Variants in NAALADL2 observed in about 807,000 individuals in gnomAD.
NAALADL2 encodes the protein inactive N-acetylated-alpha-linked acidic dipeptidase-like protein 2.
Under a neutral mutation model 87.2 loss-of-function variants are expected in NAALADL2, and 76 were observed. The ratio of observed to expected loss-of-function variants is 0.87; its 90% confidence interval spans 0.72 to 1.05. The LOEUF (loss-of-function observed/expected upper bound fraction) is 1.05, where lower values mean the gene tolerates loss of function less well. NAALADL2 is among the 50% of genes least tolerant of loss of function. NAALADL2 has a pLI of 0.00. For synonymous variants in NAALADL2, 354 were observed against 331.0 expected (o/e 1.07, Z -0.75); for missense variants, 1,089 against 945.8 (o/e 1.15, Z -1.99).
chr3:175,395,942 A>G (rs1240988440), intron 5 of NAALADL2, among the ~76,000 whole-genome samples: 1 of 152,172 alleles, frequency 6.6e-6, no homozygotes, highest in Non-Finnish European at 1.5e-5. Flanking sequence ...TACTTTGCAT[A>G]TTACCAAGCA....
At chr3:175,724,915 T>C (rs923267637) in intron 11 of NAALADL2, among the ~76,000 whole-genome samples, 3 of 152,002 alleles carry the variant, frequency 2.0e-5, no homozygotes, top group Non-Finnish European at 4.4e-5. Context: ...AGGAAATAAT[T>C]ATATTAATTT....
chr3:175,603,266 A>C (rs1001948226), intron 10 of NAALADL2, among the ~76,000 whole-genome samples: 4 of 152,174 alleles, frequency 2.6e-5, no homozygotes, highest in East Asian at 3.8e-4. Context: ...ATATTTCCAC[A>C]GCCCTATACC....
chr3:174,478,614 T>A (rs1217822047), intron 1 of NAALADL2, among the ~76,000 whole-genome samples: 2 of 152,136 alleles, frequency 1.3e-5, no homozygotes, highest in Non-Finnish European at 2.9e-5. Context: ...TCAATGGCAG[T>A]ATTTATGGGT....
chr3:174,848,309 A>T (rs1355079809), intron 3 of NAALADL2, among the ~76,000 whole-genome samples: 4 of 152,166 alleles, frequency 2.6e-5, no homozygotes, highest in Non-Finnish European at 4.4e-5. Context: ...TCACTTCAGT[A>T]GCTGACCTTA....
chr3:175,390,243 A>T (rs1192242346), intron 5 of NAALADL2, among the ~76,000 whole-genome samples: 1 of 152,162 alleles, frequency 6.6e-6, no homozygotes, highest in Non-Finnish European at 1.5e-5. Context: ...AACAAAAAAT[A>T]GGGCTCAAAT....
At chr3:174,825,968 A>G (rs1212858613) in intron 3 of NAALADL2, among the ~76,000 whole-genome samples, 1 of 151,766 alleles carries the variant, frequency 6.6e-6, no homozygotes, top group African/African-American at 2.4e-5. Flanking sequence ...CGGAGCTTGC[A>G]GTGAGCCGAG....
At chr3:175,094,963 C>G (rs1002705908) in intron 1 of NAALADL2, among the ~76,000 whole-genome samples, 2 of 152,138 alleles carry the variant, frequency 1.3e-5, no homozygotes, top group African/African-American at 4.8e-5. Context: ...GTGAATGCAT[C>G]CTGATGACAA....
intron 1 of NAALADL2, among the ~76,000 whole-genome samples, chr3:174,462,091 TTC>T (rs1421197563): frequency 6.7e-6 from 1 of 149,860 alleles, no homozygotes; most frequent in East Asian, 2.0e-4. Flanking sequence ...TTTGAAAATA[TTC>T]TGTCATTTAA....
At chr3:175,116,389 AGGAT>A (rs1400617750) in intron 2 of NAALADL2, among the ~76,000 whole-genome samples, 2 of 152,102 alleles carry the variant, frequency 1.3e-5, no homozygotes, top group East Asian at 1.9e-4. Flanking sequence ...GCAAAGTCTC[AGGAT>A]ACAAAATCAA....
At chr3:175,717,728 T>G (rs1211715443) in intron 11 of NAALADL2, among the ~76,000 whole-genome samples, 3 of 149,866 alleles carry the variant, frequency 2.0e-5, no homozygotes, top group African/African-American at 2.4e-5. Flanking sequence ...AGAAATAAAT[T>G]AATATACAGA....
chr3:174,814,549 C>T (rs1720578415), intron 3 of NAALADL2, among the ~76,000 whole-genome samples: 1 of 151,714 alleles, frequency 6.6e-6, no homozygotes, highest in African/African-American at 2.4e-5. Flanking sequence ...TATGTGTGTA[C>T]CTTGTGTGTG....
Position 175,608,834 on chromosome 3 carries a change from C to T in NAALADL2, c.1801-18457C>T, listed in dbSNP as rs535672466. Among the ~76,000 whole-genome samples the T allele has an allele frequency of 1.6e-4, 25 of 152,142 alleles. No individual in the cohort carries two copies. The South Asian group carries it at 2.9e-3, about 18-fold the overall frequency. The stretch of plus-strand genomic sequence containing the variant: ...TCATAATTGAAATTGCAAATGTTAC[C>T]GTTTTGCCACTATGCATAGCTTACC... On this transcript the variant is annotated intron_variant, in intron 10 of 13. Coordinates refer to ENST00000454872, the MANE Select transcript of NAALADL2 (RefSeq NM_207015.3).
intron 4 of NAALADL2, among the ~76,000 whole-genome samples, chr3:175,268,035 A>G (rs1274667861): frequency 1.3e-5 from 2 of 152,180 alleles, no homozygotes; most frequent in Non-Finnish European, 2.9e-5. Context: ...AGGTGTTTTA[A>G]AACATAGTTA....
At chr3:174,578,681 G>C (rs972975714) in intron 2 of NAALADL2, among the ~76,000 whole-genome samples, 1 of 151,926 alleles carries the variant, frequency 6.6e-6, no homozygotes, top group Non-Finnish European at 1.5e-5. Flanking sequence ...GGAAGGAACA[G>C]AGAGTGGCAG....
chr3:174,453,037 A>G (rs2177141), intron 1 of NAALADL2, among the ~76,000 whole-genome samples: 25,909 of 152,120 alleles, frequency 0.17, 3,934 homozygotes, highest in East Asian at 0.48. Flanking sequence ...TAAGAATCAC[A>G]ATAAAATAAT....
chr3:174,713,293 A>G (rs1456299651), intron 2 of NAALADL2, among the ~76,000 whole-genome samples: 8 of 152,272 alleles, frequency 5.3e-5, no homozygotes, highest in South Asian at 2.1e-4. Flanking sequence ...TAGCAGCATG[A>G]TTTATAGTCC....
chr3:175,349,032 C>T (rs1417187391), intron 5 of NAALADL2, among the ~76,000 whole-genome samples: 2 of 151,978 alleles, frequency 1.3e-5, no homozygotes, highest in African/African-American at 4.8e-5. Context: ...AACACACATA[C>T]ATAGTTGAGT....
In NAALADL2 at chr3:174,886,162, C is replaced by T. The variant is rs553041084; in HGVS notation, c.43+26712C>T. Reference sequence around the variant, plus strand: ...TCTCCTGACCTCATGATCCACCCACCTTGGCCTCCCAAAGTCCTGGGATTA... The same window carrying T: ...TCTCCTGACCTCATGATCCACCCACTTTGGCCTCCCAAAGTCCTGGGATTA... On this transcript the variant is annotated intron_variant, in intron 1 of 13. Coordinates refer to ENST00000454872, the MANE Select transcript of NAALADL2 (RefSeq NM_207015.3). 6.1e-4 allele frequency among the ~76,000 whole-genome samples: 93 copies of T among 152,108 alleles called. No homozygotes were observed. In the Middle Eastern group the frequency reaches 0.02, roughly 33 times the overall value.
chr3:175,105,158 T>C lies in NAALADL2; in HGVS notation c.545+7867T>C, dbSNP rs75214755. On this transcript the variant is annotated intron_variant, in intron 2 of 13. Transcript: ENST00000454872. Reference sequence around the variant, plus strand: ...TGCCCACTCCTTCATGGAAATCTCATTGATATCCCATCAGCTGAATTCTCT... The same window carrying C: ...TGCCCACTCCTTCATGGAAATCTCACTGATATCCCATCAGCTGAATTCTCT... Among the ~76,000 whole-genome samples, 1,435 of 152,260 alleles carry C rather than the reference T, an allele frequency of 9.4e-3. 23 individuals carry two copies. The highest frequency in any genetic ancestry group is 0.033 in the African/African-American group (1,366 of 41,560).
Sources: gnomAD v4.1 joint callset for allele counts (sites outside exome capture counted in the v4.1 genomes callset) on GRCh38, gnomAD v4.1.1 for gene constraint, MANE v1.5 for transcripts, NCBI Gene and HGNC (gene_info 2026-07-23, HGNC 2026-07-21) for gene names.